Variants in CEP70 observed in about 807,000 individuals in gnomAD.
CEP70 encodes centrosomal protein 70, also known as centrosomal protein of 70 kDa.
Under a neutral mutation model 90.9 loss-of-function variants are expected in CEP70, and 70 were observed. The ratio of observed to expected loss-of-function variants is 0.77; its 90% CI spans 0.64 to 0.94. CEP70 has a LOEUF of 0.94. Among genes scored for constraint, CEP70 ranks in the 40% least tolerant of loss-of-function variants. CEP70 has a pLI of 0.00. For synonymous variants in CEP70, 220 were observed against 228.3 expected (o/e 0.96, Z 0.33); for missense variants, 648 against 669.0 (o/e 0.97, Z 0.35).
At chr3:138,578,917 T>C (rs1001441883) in intron 2 of CEP70, among the ~76,000 whole-genome samples, 1 of 152,072 alleles carries the variant, frequency 6.6e-6, no homozygotes, top group African/African-American at 2.4e-5. Flanking sequence ...GAGCCAAAAA[T>C]CAGGTGAGCA....
At chr3:138,522,450 A>G (rs962398039) in intron 11 of CEP70, among the ~76,000 whole-genome samples, 16 of 152,132 alleles carry the variant, frequency 1.1e-4, no homozygotes, top group East Asian at 3.8e-4. Context: ...TTTTTTGAAA[A>G]GATCAACAAA....
At chr3:138,569,224 C>G (rs1417786192) in intron 6 of CEP70, among the ~76,000 whole-genome samples, 1 of 152,144 alleles carries the variant, frequency 6.6e-6, no homozygotes, top group Non-Finnish European at 1.5e-5. Flanking sequence ...GGAATTTATA[C>G]TAACTCATCT....
chr3:138,556,026 C>T (rs1247523343), intron 6 of CEP70, among the ~76,000 whole-genome samples: 4 of 152,108 alleles, frequency 2.6e-5, no homozygotes, highest in African/African-American at 9.7e-5. Flanking sequence ...GCTGAAATGC[C>T]CATCAATCAA....
intron 3 of CEP70, 83 bp downstream of exon 3, chr3:138,572,776 A>T (rs773324027): frequency 1.0e-4 from 95 of 910,410 alleles, no homozygotes; most frequent in Non-Finnish European, 1.7e-4. Context: ...GAATCCTTTT[A>T]AAGTCAAATT....
intron 6 of CEP70, among the ~76,000 whole-genome samples, chr3:138,554,811 T>C (rs1473170944): frequency 6.6e-6 from 1 of 152,196 alleles, no homozygotes; most frequent in Non-Finnish European, 1.5e-5. Context: ...TGGATATTAG[T>C]CCTTTGTCGG....
At chr3:138,554,895 G>A (rs1419439824) in intron 6 of CEP70, among the ~76,000 whole-genome samples, 3 of 152,070 alleles carry the variant, frequency 2.0e-5, no homozygotes, top group African/African-American at 7.2e-5. Context: ...TGCAAATGGT[G>A]CTGGGATAAT....
chr3:138,566,493 C>T (rs113622743), intron 6 of CEP70, among the ~76,000 whole-genome samples: 7,278 of 152,090 alleles, frequency 0.048, 561 homozygotes, highest in African/African-American at 0.16. Flanking sequence ...TACTATGCAG[C>T]CATGAAAAGG....
At chr3:138,518,883 C>T (rs866640230) in intron 11 of CEP70, among the ~76,000 whole-genome samples, 45 of 152,090 alleles carry the variant, frequency 3.0e-4, no homozygotes, top group African/African-American at 7.5e-4. Flanking sequence ...CAAACTACTC[C>T]GAGCTAAAGG....
chr3:138,508,608 A>T, intron 11 of CEP70, 64 bp from the exon 12 acceptor site: 1 of 1,012,386 alleles, frequency 9.9e-7, no homozygotes, highest in South Asian at 1.3e-5. Flanking sequence ...CCAAGATGAT[A>T]AACTAAGTCA....
chr3:138,544,117 C>G (rs1396912367), intron 6 of CEP70, among the ~76,000 whole-genome samples: 1 of 151,986 alleles, frequency 6.6e-6, no homozygotes, highest in Non-Finnish European at 1.5e-5. Context: ...AGTAAAATCC[C>G]CATCTCTTTT....
chr3:138,503,338 A>T lies in CEP70; in HGVS notation c.1221+1957T>A, dbSNP rs150940433. On this transcript the variant is annotated intron_variant, in intron 13 of 17. Coordinates refer to ENST00000264982, the MANE Select transcript of CEP70 (RefSeq NM_024491.4). ...CCTCATAATGTTCACCCATGTTGCA[A>T]GGGTCAGAATTTCTTTCCTTTTAAT... Among the ~76,000 whole-genome samples, 1,075 of 152,278 alleles carry T rather than the reference A, an allele frequency of 7.1e-3. 13 individuals are homozygous for T. The highest frequency in any genetic ancestry group is 0.025 in the African/African-American group (1,029 of 41,558).
Position 138,590,906 on chromosome 3 carries a change from T to C in CEP70, c.-6+948A>G, listed in dbSNP as rs573027781. Among the ~76,000 whole-genome samples, 372 of 152,222 alleles carry C rather than the reference T, an allele frequency of 2.4e-3. 4 individuals carry two copies. Among genetic ancestry groups the C allele is most frequent in the Non-Finnish European group, 4.7e-3 (321 of 67,992 alleles). On this transcript the variant is annotated intron_variant, in intron 2 of 17. Transcript: ENST00000264982. ...TAAATGGGAACACAGGAGTTTTGACTGGGATAGGGTAATGGAGGGGATCTG... is the reference window on the plus strand; with the variant it reads ...TAAATGGGAACACAGGAGTTTTGACCGGGATAGGGTAATGGAGGGGATCTG...
At chr3:138,522,621 T>C (rs1415169408) in intron 11 of CEP70, among the ~76,000 whole-genome samples, 2 of 152,106 alleles carry the variant, frequency 1.3e-5, no homozygotes, top group Non-Finnish European at 2.9e-5. Flanking sequence ...CTAGAAAATC[T>C]AGAAGAAATG....
intron 11 of CEP70, among the ~76,000 whole-genome samples, chr3:138,519,351 G>A (rs1055988066): frequency 6.6e-6 from 1 of 152,072 alleles, no homozygotes; most frequent in Non-Finnish European, 1.5e-5. Flanking sequence ...GATACTCCTC[G>A]AGAAGAGCAA....
At position 138,539,021 on chromosome 3, in the gene CEP70, G is replaced by A. The variant is rs183157503; in HGVS notation, c.466-1674C>T. Among the ~76,000 whole-genome samples, 440 of 152,068 alleles carry A rather than the reference G, an allele frequency of 2.9e-3. 4 individuals carry two copies. Among genetic ancestry groups the A allele is most frequent in the African/African-American group, 0.01 (421 of 41,474 alleles). On this transcript the variant is annotated intron_variant, in intron 6 of 17. Coordinates refer to ENST00000264982, the MANE Select transcript of CEP70 (RefSeq NM_024491.4). ...TTAAATCTCTTTTATCATTGTTTTCGTTTGTTTGTTTGAGACAGAGTCTCA... is the reference window on the plus strand; with the variant it reads ...TTAAATCTCTTTTATCATTGTTTTCATTTGTTTGTTTGAGACAGAGTCTCA...
Position 138,519,589 on chromosome 3 carries a change from A to G in CEP70, c.944+5901T>C, listed in dbSNP as rs560615177. On this transcript the variant is annotated intron_variant, in intron 11 of 17. Coordinates refer to ENST00000264982, the MANE Select transcript of CEP70 (RefSeq NM_024491.4). Reference sequence around the variant, plus strand: ...TTCACATCCAGCCAAACTAAGCTTCATAAGTGAAGGAGAAATAAAATCCTT... The same window carrying G: ...TTCACATCCAGCCAAACTAAGCTTCGTAAGTGAAGGAGAAATAAAATCCTT... Among the ~76,000 whole-genome samples the G allele has an allele frequency of 3.9e-3, 598 of 152,316 alleles. 3 individuals are homozygous for G. The highest frequency in any genetic ancestry group is 0.014 in the African/African-American group (576 of 41,570).
intron 3 of CEP70, among the ~76,000 whole-genome samples, chr3:138,572,567 G>C (rs532112353): frequency 8.5e-5 from 13 of 152,282 alleles, no homozygotes; most frequent in African/African-American, 3.1e-4. Flanking sequence ...TGTAAATTCT[G>C]AAAATAGTTG....
intron 2 of CEP70, among the ~76,000 whole-genome samples, chr3:138,578,404 T>C (rs980123115): frequency 2.6e-5 from 4 of 152,190 alleles, no homozygotes; most frequent in African/African-American, 7.2e-5. Flanking sequence ...ATATTCACTA[T>C]GGCACTAACA....
In CEP70 at chr3:138,525,552, A is replaced by T; in HGVS notation, c.882T>A (p.His294Gln). ...QKDLETRPTQ[H>Q]ELRLYKQQVK... The stretch of plus-strand genomic sequence containing the variant: ...CCTGCTGTTTATAAAGTCTTAATTC[A>T]TGCTGCGTAGGCCTGTGGAAAATAA... The change falls in exon 11 of 18, where the codon CAT becomes CAA. Residue 294 changes from histidine (H) to glutamine (Q), a missense_variant. By Grantham distance (24) the His-to-Gln change is conservative (BLOSUM62 0). Coordinates refer to ENST00000264982, the MANE Select transcript of CEP70 (RefSeq NM_024491.4). 7.1e-7 allele frequency: 1 copy of T among 1,402,208 alleles called. No individual in the cohort carries two copies. Among genetic ancestry groups the T allele is most frequent in the Non-Finnish European group, 9.4e-7 (1 of 1,064,520 alleles). The allele number at this position is 1,402,208 out of a possible 1,614,324, so 86.9% of individuals were successfully genotyped here.
Sources: allele counts gnomAD v4.1 joint callset (sites outside exome capture counted in the v4.1 genomes callset), GRCh38; gene constraint gnomAD v4.1.1; transcripts MANE v1.5; gene names NCBI Gene and HGNC (gene_info 2026-07-23, HGNC 2026-07-21).